Variants in THOC2 observed in about 807,000 individuals in gnomAD.
The protein encoded by THOC2 is THO complex 2.
A neutral mutation model predicts 128.4 loss-of-function variants in THOC2; 10 were observed. The observed-to-expected ratio is 0.08, with a 90% CI of 0.05 to 0.13. THOC2 has a LOEUF of 0.13. Among genes scored for constraint, THOC2 ranks in the 10% least tolerant of loss-of-function variants. The pLI, the probability that THOC2 is intolerant of heterozygous loss-of-function variation, is 1.00. For missense variants in THOC2, 535 were observed against 1,155.7 expected (o/e 0.46, Z 7.79); for synonymous variants, 393 against 396.9 (o/e 0.99, Z 0.12).
intron 12 of THOC2, among the ~76,000 whole-genome samples, chrX:123,652,990 G>C (rs2048421310): frequency 8.9e-6 from 1 of 111,825 alleles, no homozygotes; most frequent in Admixed American, 9.5e-5. Flanking sequence ...AAAGAACAAA[G>C]CTGGAGGCAT....
intron 38 of THOC2, chrX:123,603,971 C>CTA (rs1409200580): frequency 8.6e-6 from 1 of 116,783 alleles, no homozygotes; most frequent in Non-Finnish European, 1.8e-5. Flanking sequence ...CTTCAGGACT[C>CTA]TATTTTCAGC....
chrX:123,626,346 T>C (rs2047270329), intron 24 of THOC2, among the ~76,000 whole-genome samples, 175 bp downstream of exon 24: 1 of 112,407 alleles, frequency 8.9e-6, no homozygotes, highest in Non-Finnish European at 1.9e-5. Flanking sequence ...CAGCAAACTA[T>C]ATCAGTTCCT....
chrX:123,655,473 T>A (rs939953758), intron 12 of THOC2, among the ~76,000 whole-genome samples: 1 of 112,094 alleles, frequency 8.9e-6, no homozygotes, highest in Non-Finnish European at 1.9e-5. Context: ...ATTTTTATTA[T>A]GAAAAATTTC....
At chrX:123,640,941 G>A (rs540113466) in intron 15 of THOC2, among the ~76,000 whole-genome samples, 104 of 111,609 alleles carry the variant, frequency 9.3e-4, no homozygotes, top group Middle Eastern at 9.3e-3. Context: ...TTCTTACAAA[G>A]AATCAAAATT....
At chrX:123,719,832 A>G (rs2051610237) in intron 1 of THOC2, among the ~76,000 whole-genome samples, 1 of 108,828 alleles carries the variant, frequency 9.2e-6, no homozygotes, top group African/African-American at 3.3e-5. Context: ...GGGAGGCTGA[A>G]GCGGGAGGAT....
intron 12 of THOC2, among the ~76,000 whole-genome samples, chrX:123,657,376 C>T (rs763339955): frequency 2.5e-4 from 27 of 109,706 alleles, no homozygotes; most frequent in African/African-American, 8.3e-4. Flanking sequence ...ACCACAGATG[C>T]GGGAAACTCA....
intron 32 of THOC2, chrX:123,620,024 AAAAG>A (rs2047028746): frequency 2.7e-5 from 3 of 111,490 alleles, no homozygotes; most frequent in South Asian, 7.6e-4. Context: ...GCATTAAAAA[AAAAG>A]AAAGAAAAAG....
chrX:123,658,917 C>T (rs1002482217), intron 12 of THOC2, among the ~76,000 whole-genome samples: 1 of 111,763 alleles, frequency 8.9e-6, no homozygotes, highest in East Asian at 2.8e-4. Flanking sequence ...GGAACAGGGG[C>T]TATATAGCAA....
rs2046695220 is a variant in THOC2, at chrX:123,611,453, C to T, written c.4741G>A (p.Glu1581Lys). Residue 1581 changes from glutamate (E) to lysine (K), a missense_variant, in exon 37 of 39, where the codon GAA becomes AAA. Physicochemically the swap from Glu to Lys is moderately conservative, Grantham distance 56. This residue lies in a region of THOC2 where 39 missense variants were observed against 93.1 expected (regional missense o/e 0.42). Coordinates refer to ENST00000245838, the MANE Select transcript of THOC2 (RefSeq NM_001081550.2). ...KEKRDSSGGK[E>K]EKKHHKSSDK... ...TGAAAAGGATATTGTTTCTTCTCTT[C>T]CTTTCCTCCTGAACTGTCCCGTTTC... is the stretch of plus-strand genomic sequence containing the variant. 1 of 1,198,179 alleles carries T rather than the reference C, an allele frequency of 8.3e-7. No homozygotes were observed. The highest frequency in any genetic ancestry group is 1.1e-6 in the Non-Finnish European group (1 of 884,504).
chrX:123,703,198 G>A (rs1603317532), intron 4 of THOC2, among the ~76,000 whole-genome samples: 1 of 111,681 alleles, frequency 9.0e-6, no homozygotes, highest in East Asian at 2.8e-4. Context: ...CTTTTAACTT[G>A]AAATGACTTA....
intron 1 of THOC2, among the ~76,000 whole-genome samples, chrX:123,720,610 C>A (rs898340033): frequency 8.1e-5 from 9 of 111,725 alleles, no homozygotes; most frequent in Non-Finnish European, 1.5e-4. Context: ...TAGCTGCACT[C>A]CCATGTTCAC....
chrX:123,653,732 T>C (rs967284246), intron 12 of THOC2, among the ~76,000 whole-genome samples: 3 of 112,033 alleles, frequency 2.7e-5, no homozygotes, highest in Non-Finnish European at 5.6e-5. Context: ...TCACACCAGT[T>C]AGAATGGTGA....
Position 123,668,293 on chromosome X carries a change from T to C in THOC2, c.883A>G (p.Ile295Val), listed in dbSNP as rs2049126186. 1 of 1,189,419 alleles carries C rather than the reference T, an allele frequency of 8.4e-7. No individual in the cohort carries two copies. Among genetic ancestry groups the C allele is most frequent in the Non-Finnish European group, 1.1e-6 (1 of 885,201 alleles). The change falls in exon 10 of 39, where the codon ATT (isoleucine) becomes GTT (valine). Residue 295 changes from isoleucine (I) to valine (V), a missense_variant. Transcript: ENST00000245838. ...YVHLLPADNC[I>V]MDEHKREIAE... ...ATTTCTCGTTTGTGTTCATCCATAA[T>C]GCAATTATCAGCCGGAAGAAGCTAA... is the stretch of plus-strand genomic sequence containing the variant.
At chrX:123,622,985 A>T in intron 29 of THOC2, 120 bp downstream of exon 29, 4 of 847,867 alleles carry the variant, frequency 4.7e-6, no homozygotes, top group Non-Finnish European at 6.6e-6. Flanking sequence ...ACGCTTATAT[A>T]CTCCTATCTA....
At chrX:123,707,009 T>C in intron 2 of THOC2, 60 bp from the exon 3 acceptor site, 2 of 506,361 alleles carry the variant, frequency 3.9e-6, no homozygotes, top group Admixed American at 4.4e-5. Flanking sequence ...AAAGTAAATC[T>C]ATATATTTCC....
intron 15 of THOC2, among the ~76,000 whole-genome samples, chrX:123,642,049 GC>G (rs770031436): frequency 9.6e-4 from 108 of 112,081 alleles, no homozygotes; most frequent in Non-Finnish European, 1.7e-3. Context: ...TCATATTAAT[GC>G]CTACGATGAC....
intron 12 of THOC2, among the ~76,000 whole-genome samples, chrX:123,664,959 A>T (rs957349491): frequency 4.5e-5 from 5 of 112,130 alleles, no homozygotes; most frequent in African/African-American, 1.6e-4. Context: ...ACACTCAAGA[A>T]AATGACTAGA....
At chrX:123,732,926 C>A (rs764632184) in intron 1 of THOC2, 26 bp downstream of exon 1, 40 of 1,199,150 alleles carry the variant, frequency 3.3e-5, no homozygotes, top group Middle Eastern at 2.3e-4. Context: ...CCCGGCAGTG[C>A]GCCTGCCTCC....
At chrX:123,716,314 T>C (rs2051413319) in intron 1 of THOC2, among the ~76,000 whole-genome samples, 1 of 112,732 alleles carries the variant, frequency 8.9e-6, no homozygotes, top group African/African-American at 3.2e-5. Context: ...GCGCAGTGGC[T>C]CACGCCTGTA....
Sources: allele counts gnomAD v4.1 joint callset (sites outside exome capture counted in the v4.1 genomes callset), GRCh38; gene constraint gnomAD v4.1.1; regional missense constraint gnomAD v4.1.1; transcripts MANE v1.5; gene names NCBI Gene and HGNC (gene_info 2026-07-23, HGNC 2026-07-21).